The following GABRB3 variants were observed in gnomAD, a reference collection of about 807,000 sequenced individuals.
GABRB3 encodes the protein gamma-aminobutyric acid receptor subunit beta-3.
A neutral mutation model predicts 52.1 loss-of-function variants in GABRB3; 14 were observed. The observed-to-expected ratio is 0.27, with a 90% confidence interval of 0.18 to 0.42. The LOEUF (loss-of-function observed/expected upper bound fraction) is 0.42. GABRB3 is among the 10% of genes least tolerant of loss of function. GABRB3 has a pLI of 1.00. For synonymous variants in GABRB3, 260 were observed against 232.3 expected (o/e 1.12, Z -1.08); for missense variants, 307 against 609.1 (o/e 0.50, Z 5.22).
At chr15:26,703,806 C>T (rs1196713877) in intron 3 of GABRB3, among the ~76,000 whole-genome samples, 2 of 152,204 alleles carry the variant, frequency 1.3e-5, no homozygotes, top group Non-Finnish European at 2.9e-5. Flanking sequence ...CAATCTTTGA[C>T]TCAATGTACT....
intron 3 of GABRB3, among the ~76,000 whole-genome samples, chr15:26,763,146 TTATTC>T (rs1449321185): frequency 2.0e-5 from 3 of 152,122 alleles, no homozygotes; most frequent in African/African-American, 2.4e-5. Flanking sequence ...TGGTGAGAAA[TTATTC>T]TTGGAGGGCA....
intron 4 of GABRB3, among the ~76,000 whole-genome samples, chr15:26,609,370 A>T (rs1421695113): frequency 1.3e-5 from 2 of 152,174 alleles, no homozygotes; most frequent in Admixed American, 6.6e-5. Flanking sequence ...GGTAATCTGT[A>T]AGCATATCTT....
intron 4 of GABRB3, among the ~76,000 whole-genome samples, chr15:26,593,483 G>T (rs12440523): frequency 0.76 from 114,889 of 152,066 alleles, 47,073 homozygotes; most frequent in East Asian, 0.96. Flanking sequence ...CCTAACCCCA[G>T]GCCCAGTAAC....
chr15:26,740,304 G>A (rs1262705619), intron 3 of GABRB3, among the ~76,000 whole-genome samples: 1 of 152,134 alleles, frequency 6.6e-6, no homozygotes, highest in Non-Finnish European at 1.5e-5. Context: ...GTGAATGCAG[G>A]GCTCAGGGGC....
chr15:26,571,966 A>G (rs1890416084), intron 6 of GABRB3, among the ~76,000 whole-genome samples: 1 of 151,120 alleles, frequency 6.6e-6, no homozygotes. Context: ...AGATCGTTTG[A>G]ACCTGGGAGG....
At chr15:26,720,118 C>T (rs1184056651) in intron 3 of GABRB3, among the ~76,000 whole-genome samples, 1 of 151,678 alleles carries the variant, frequency 6.6e-6, no homozygotes, top group Non-Finnish European at 1.5e-5. Flanking sequence ...CAAAAAGCTC[C>T]CCCACTGAGC....
intron 3 of GABRB3, among the ~76,000 whole-genome samples, chr15:26,767,855 T>G (rs1204073128): frequency 6.6e-6 from 1 of 152,176 alleles, no homozygotes; most frequent in Admixed American, 6.5e-5. Flanking sequence ...TCTTTGCCCC[T>G]CTTCTAAAAA....
chr15:26,573,871 G>A (rs909819454), intron 6 of GABRB3, among the ~76,000 whole-genome samples: 12 of 152,050 alleles, frequency 7.9e-5, no homozygotes, highest in Non-Finnish European at 1.6e-4. Flanking sequence ...GCAAAACAGT[G>A]AGACTCCATC....
At chr15:26,729,707 C>T (rs982589788) in intron 3 of GABRB3, among the ~76,000 whole-genome samples, 1 of 152,166 alleles carries the variant, frequency 6.6e-6, no homozygotes, top group Non-Finnish European at 1.5e-5. Flanking sequence ...TTCACACCAT[C>T]TGTTCCCTAT....
At chr15:26,657,507 T>A (rs574088466) in intron 3 of GABRB3, among the ~76,000 whole-genome samples, 5 of 152,300 alleles carry the variant, frequency 3.3e-5, no homozygotes, top group Admixed American at 6.5e-5. Flanking sequence ...TGCTCAAGTG[T>A]AGGTAAAACT....
At chr15:26,624,826 G>A in intron 3 of GABRB3, 1 of 985,398 alleles carries the variant, frequency 1.0e-6, no homozygotes, top group Non-Finnish European at 1.2e-6. Context: ...CTCTCGTGCA[G>A]CCGGGAGTAG....
chr15:26,615,917 T>C, intron 4 of GABRB3: 2 of 1,284,726 alleles, frequency 1.6e-6, no homozygotes, highest in South Asian at 2.5e-5. Context: ...AAGCAATCTC[T>C]GCTGGGCAGG....
At chr15:26,697,731 T>G (rs1432452735) in intron 3 of GABRB3, among the ~76,000 whole-genome samples, 1 of 152,062 alleles carries the variant, frequency 6.6e-6, no homozygotes, top group Non-Finnish European at 1.5e-5. Context: ...ATCCCCCTCC[T>G]CCAATCCAAA....
chr15:26,615,227 A>G, intron 4 of GABRB3: 1 of 940,984 alleles, frequency 1.1e-6, no homozygotes. Flanking sequence ...GGACAGGACA[A>G]AGGACCATTA....
At chr15:26,605,319 T>C (rs765095389) in intron 4 of GABRB3, among the ~76,000 whole-genome samples, 2 of 152,214 alleles carry the variant, frequency 1.3e-5, no homozygotes, top group Non-Finnish European at 2.9e-5. Context: ...GGTGGGGATG[T>C]ATGTTAGTAC....
At chr15:26,756,570 C>G (rs1890667654) in intron 3 of GABRB3, among the ~76,000 whole-genome samples, 5 of 151,948 alleles carry the variant, frequency 3.3e-5, no homozygotes, top group Admixed American at 6.6e-5. Context: ...AGAGCAAGAT[C>G]CTGTCTCAAA....
At chr15:26,759,347 C>T (rs1595352316) in intron 3 of GABRB3, among the ~76,000 whole-genome samples, 2 of 152,138 alleles carry the variant, frequency 1.3e-5, no homozygotes, top group Admixed American at 1.3e-4. Context: ...CTCCGCCTCC[C>T]GGGTGCCAGT....
intron 3 of GABRB3, among the ~76,000 whole-genome samples, chr15:26,734,802 A>G (rs1050912520): frequency 1.3e-5 from 2 of 151,940 alleles, no homozygotes; most frequent in Non-Finnish European, 2.9e-5. Context: ...GGTGGTGTGT[A>G]CCTGTGGTCC....
In GABRB3 at chr15:26,624,151, A is replaced by C. The variant is rs948616804; in HGVS notation, c.241-2617T>G. On this transcript the variant is annotated intron_variant, in intron 3 of 8. Coordinates refer to ENST00000311550, the MANE Select transcript of GABRB3 (RefSeq NM_000814.6). The stretch of plus-strand genomic sequence containing the variant: ...TTCTCGGACACTGGGCTGATGCAGA[A>C]CATCAGGATGAGAATGCACCTTCAC... The C allele has an allele frequency of 4.2e-6, 4 of 957,384 alleles. No homozygotes were observed. The African/African-American group carries it at 5.3e-5, about 13-fold the overall frequency. 59.3% of individuals were successfully genotyped at this position (957,384 alleles called of 1,614,324 possible). A position where few individuals can be genotyped will look rare whatever the true frequency, so the allele number is the denominator to read the frequency against.
Sources: allele counts gnomAD v4.1 joint callset (sites outside exome capture counted in the v4.1 genomes callset), GRCh38; gene constraint gnomAD v4.1.1; transcripts MANE v1.5; gene names NCBI Gene and HGNC (gene_info 2026-07-23, HGNC 2026-07-21).